Variants in STK33 observed in about 807,000 individuals in gnomAD.
STK33 encodes serine/threonine kinase 33.
Under a neutral mutation model 58.0 loss-of-function variants are expected in STK33, and 52 were observed. The observed-to-expected ratio is 0.90, with a 90% CI of 0.72 to 1.13. STK33 has a LOEUF of 1.13. STK33 is among the 50% of genes most tolerant of loss of function. The pLI is 0.00. For synonymous variants in STK33, 215 were observed against 200.1 expected, an observed-to-expected ratio of 1.07 and a Z score of -0.63; for missense variants, 630 against 604.2, an observed-to-expected ratio of 1.04 and a Z score of -0.45.
chr11:8,398,336 C>G (rs1460340556), intron 15 of STK33, among the ~76,000 whole-genome samples: 2 of 152,156 alleles, frequency 1.3e-5, no homozygotes, highest in South Asian at 2.1e-4. Context: ...AATTTTCAAC[C>G]CACAATTTCA....
intron 1 of STK33, among the ~76,000 whole-genome samples, chr11:8,517,483 A>G (rs1952910083): frequency 6.6e-6 from 1 of 152,256 alleles, no homozygotes; most frequent in South Asian, 2.1e-4. Context: ...TGGACGGAGA[A>G]TGACTTTGAC....
At chr11:8,583,878 A>C (rs1237254881) in intron 1 of STK33, among the ~76,000 whole-genome samples, 1 of 152,198 alleles carries the variant, frequency 6.6e-6, no homozygotes. Flanking sequence ...TATTGAAAAA[A>C]ATTAGTCTGT....
At chr11:8,409,360 A>T (rs1939816290) in intron 15 of STK33, among the ~76,000 whole-genome samples, 1 of 152,236 alleles carries the variant, frequency 6.6e-6, no homozygotes, top group Admixed American at 6.5e-5. Flanking sequence ...AGAAGAGAGC[A>T]AGCTAAATCA....
At chr11:8,379,345 G>T in the STK33 span, among the ~76,000 whole-genome samples, 1 of 152,128 alleles carries the variant, frequency 6.6e-6, no homozygotes, top group Non-Finnish European at 1.5e-5. Context: ...ATAATCATCA[G>T]AGTAAACAGA....
downstream of STK33, among the ~76,000 whole-genome samples, chr11:8,389,636 G>A (rs1344505446): frequency 3.3e-5 from 5 of 152,120 alleles, no homozygotes; most frequent in East Asian, 1.9e-4. Context: ...CCAACAGCGC[G>A]GCTGGAATTT....
At chr11:8,360,071 T>G in the STK33 span, among the ~76,000 whole-genome samples, 1 of 152,250 alleles carries the variant, frequency 6.6e-6, no homozygotes, top group South Asian at 2.1e-4. Flanking sequence ...CTCTAGGACC[T>G]CAAAGCAGCC....
chr11:8,367,609 T>A, the STK33 span, among the ~76,000 whole-genome samples: 2 of 152,132 alleles, frequency 1.3e-5, no homozygotes, highest in Admixed American at 1.3e-4. Flanking sequence ...GGTTCCAGAC[T>A]AAAGATGCTT....
intron 15 of STK33, among the ~76,000 whole-genome samples, chr11:8,403,796 T>C (rs982635163): frequency 1.3e-5 from 2 of 152,212 alleles, no homozygotes; most frequent in African/African-American, 4.8e-5. Context: ...GGACTAACTA[T>C]ACATATTTCC....
intron 12 of STK33, among the ~76,000 whole-genome samples, chr11:8,439,221 T>C (rs906417121): frequency 6.6e-6 from 1 of 152,166 alleles, no homozygotes; most frequent in Non-Finnish European, 1.5e-5. Context: ...TGAATGTATG[T>C]CTATTATACC....
intron 1 of STK33, among the ~76,000 whole-genome samples, chr11:8,528,369 C>T (rs552682460): frequency 2.0e-5 from 3 of 152,296 alleles, no homozygotes; most frequent in African/African-American, 7.2e-5. Flanking sequence ...AGCCAAACAA[C>T]TTATGTTATT....
intron 5 of STK33, among the ~76,000 whole-genome samples, chr11:8,474,062 C>T (rs1949033436): frequency 6.6e-6 from 1 of 151,878 alleles, no homozygotes; most frequent in Non-Finnish European, 1.5e-5. Context: ...GTAATCTCAG[C>T]TACTCAGGAG....
At chr11:8,508,480 C>A (rs67067089) in intron 1 of STK33, among the ~76,000 whole-genome samples, 26,057 of 151,788 alleles carry the variant, frequency 0.17, 2,749 homozygotes, top group South Asian at 0.32. Context: ...CTATGTTGCC[C>A]AGGCTATTCT....
intron 15 of STK33, among the ~76,000 whole-genome samples, chr11:8,401,292 C>T (rs1937886119): frequency 2.6e-5 from 4 of 152,112 alleles, no homozygotes; most frequent in Admixed American, 2.6e-4. Context: ...TGGAACAGAA[C>T]AGAGCCCTCA....
At chr11:8,470,603 T>C (rs1948685430) in intron 6 of STK33, among the ~76,000 whole-genome samples, 1 of 152,224 alleles carries the variant, frequency 6.6e-6, no homozygotes, top group African/African-American at 2.4e-5. Flanking sequence ...CAACATGCGC[T>C]CCTCATTAGG....
At chr11:8,356,518 G>A in the STK33 span, among the ~76,000 whole-genome samples, 2 of 152,034 alleles carry the variant, frequency 1.3e-5, no homozygotes, top group African/African-American at 4.8e-5. Flanking sequence ...CAGACAGGGA[G>A]GTTTAAAGAA....
the STK33 span, among the ~76,000 whole-genome samples, chr11:8,365,129 C>T: frequency 2.2e-4 from 33 of 152,294 alleles, no homozygotes; most frequent in Admixed American, 1.6e-3. Flanking sequence ...CCCAGGGGGA[C>T]GTGTCTGAGG....
downstream of STK33, among the ~76,000 whole-genome samples, chr11:8,387,872 A>G (rs1301788563): frequency 1.3e-5 from 2 of 148,782 alleles, no homozygotes; most frequent in Non-Finnish European, 3.0e-5. Context: ...GATGGAGACA[A>G]CTTTTTGTGC....
At chr11:8,448,798 A>T (rs538915320) in intron 11 of STK33, among the ~76,000 whole-genome samples, 9 of 152,264 alleles carry the variant, frequency 5.9e-5, no homozygotes, top group Admixed American at 5.2e-4. Flanking sequence ...CTAATTAAAC[A>T]AAAGAGCTTC....
intron 1 of STK33, among the ~76,000 whole-genome samples, chr11:8,544,531 A>G (rs1955769235): frequency 6.6e-6 from 1 of 151,674 alleles, no homozygotes; most frequent in Admixed American, 6.6e-5. Context: ...TACTATCTAC[A>G]TAATAATTTT....
Sources: gnomAD v4.1 joint callset for allele counts (sites outside exome capture counted in the v4.1 genomes callset) on GRCh38, gnomAD v4.1.1 for gene constraint, MANE v1.5 for transcripts, NCBI Gene and HGNC (gene_info 2026-07-23, HGNC 2026-07-21) for gene names.